The following LDB2 variants were observed in gnomAD, a reference collection of about 807,000 sequenced individuals.
LDB2 encodes LIM domain binding 2.
LDB2 carries 12 observed loss-of-function variants against 44.3 expected under a neutral mutation model. The observed-to-expected ratio is 0.27, with a 90% CI of 0.17 to 0.44. LDB2 has a LOEUF of 0.44. Among genes scored for constraint, LDB2 ranks in the 20% least tolerant of loss-of-function variants. LDB2 has a pLI of 1.00. For synonymous variants in LDB2, 164 were observed against 174.8 expected (o/e 0.94, Z 0.49); for missense variants, 344 against 473.5 (o/e 0.73, Z 2.54).
At chr4:16,659,609 TAC>T (rs199939773) in intron 2 of LDB2, among the ~76,000 whole-genome samples, 1 of 144,718 alleles carries the variant, frequency 6.9e-6, no homozygotes. Context: ...ATATATGAAT[TAC>T]ACACACACAC....
At chr4:16,706,001 G>A (rs772932906) in intron 2 of LDB2, among the ~76,000 whole-genome samples, 23 of 152,002 alleles carry the variant, frequency 1.5e-4, no homozygotes, top group African/African-American at 3.9e-4. Flanking sequence ...CAAATCTTGT[G>A]GATAATAGCC....
At chr4:16,820,931 T>C (rs1781837559) in intron 1 of LDB2, among the ~76,000 whole-genome samples, 1 of 152,220 alleles carries the variant, frequency 6.6e-6, no homozygotes, top group Non-Finnish European at 1.5e-5. Flanking sequence ...GCCTAATTTC[T>C]CTAAATGGCA....
At chr4:16,893,072 A>G (rs966012368) in intron 1 of LDB2, 3 of 971,508 alleles carry the variant, frequency 3.1e-6, no homozygotes, top group East Asian at 1.1e-4. Context: ...GAGTCTTACA[A>G]TTGGTTTTCT....
At chr4:16,507,539 G>GA (rs1719995050) in intron 7 of LDB2, among the ~76,000 whole-genome samples, 1 of 152,084 alleles carries the variant, frequency 6.6e-6, no homozygotes, top group African/African-American at 2.4e-5. Flanking sequence ...GGGTGAGGGG[G>GA]AAAAACGTGG....
At chr4:16,736,284 CA>C (rs1471468290) in intron 2 of LDB2, among the ~76,000 whole-genome samples, 1 of 152,138 alleles carries the variant, frequency 6.6e-6, no homozygotes, top group Non-Finnish European at 1.5e-5. Context: ...AGAGGATTAC[CA>C]AAACAAAGTC....
chr4:16,546,869 C>G (rs1301632104), intron 5 of LDB2, among the ~76,000 whole-genome samples: 1 of 152,170 alleles, frequency 6.6e-6, no homozygotes, highest in African/African-American at 2.4e-5. Context: ...GGTTCTTTAG[C>G]TGTCTCTCCC....
intron 6 of LDB2, among the ~76,000 whole-genome samples, chr4:16,510,072 C>A (rs1461262589): frequency 6.6e-6 from 1 of 152,108 alleles, no homozygotes; most frequent in Non-Finnish European, 1.5e-5. Flanking sequence ...TATGATTGTG[C>A]CACTGCAGTC....
chr4:16,520,954 C>T (rs1409733847), intron 5 of LDB2, among the ~76,000 whole-genome samples: 2 of 152,194 alleles, frequency 1.3e-5, no homozygotes, highest in African/African-American at 2.4e-5. Context: ...GCACCCCCTT[C>T]CACAATGCTT....
intron 5 of LDB2, among the ~76,000 whole-genome samples, chr4:16,532,313 G>A (rs1265294217): frequency 6.6e-6 from 1 of 152,098 alleles, no homozygotes; most frequent in African/African-American, 2.4e-5. Flanking sequence ...TCACAGAACT[G>A]ATGCTATTTT....
chr4:16,703,043 C>G (rs145624756), intron 2 of LDB2, among the ~76,000 whole-genome samples: 2 of 152,234 alleles, frequency 1.3e-5, no homozygotes, highest in East Asian at 3.9e-4. Flanking sequence ...TATACACAAC[C>G]AACCCTCATT....
At chr4:16,596,665 C>T (rs1430250887) in intron 2 of LDB2, among the ~76,000 whole-genome samples, 1 of 152,174 alleles carries the variant, frequency 6.6e-6, no homozygotes, top group Admixed American at 6.5e-5. Context: ...TGTAAGATCT[C>T]TCTCTAGAAT....
chr4:16,675,283 G>A (rs997712839), intron 2 of LDB2, among the ~76,000 whole-genome samples: 20 of 152,212 alleles, frequency 1.3e-4, no homozygotes, highest in East Asian at 1.9e-4. Flanking sequence ...CTGTCCACTC[G>A]TTTGAGTATG....
At chr4:16,788,607 C>T (rs993552769) in intron 1 of LDB2, among the ~76,000 whole-genome samples, 54 of 152,172 alleles carry the variant, frequency 3.5e-4, no homozygotes, top group African/African-American at 1.3e-3. Flanking sequence ...AGCTTCTGCC[C>T]TCTGCAGTGA....
chr4:16,632,814 T>C (rs1010480651), intron 2 of LDB2, among the ~76,000 whole-genome samples: 10 of 152,070 alleles, frequency 6.6e-5, no homozygotes, highest in African/African-American at 2.4e-4. Context: ...TGTGGAGAAA[T>C]AGGAACACTT....
At chr4:16,781,853 C>T (rs983519050) in intron 1 of LDB2, among the ~76,000 whole-genome samples, 6 of 152,112 alleles carry the variant, frequency 3.9e-5, no homozygotes, top group Non-Finnish European at 5.9e-5. Flanking sequence ...GAGAGACCCC[C>T]AAGCCCACCA....
rs150565077 is a variant in LDB2, at chr4:16,629,733, A to G, written c.236-33858T>C. Among the ~76,000 whole-genome samples the G allele has an allele frequency of 5.8e-3, 888 of 152,202 alleles. 9 individuals carry two copies. The highest frequency in any genetic ancestry group is 0.021 in the African/African-American group (863 of 41,510). On this transcript the variant is annotated intron_variant, in intron 2 of 7. Coordinates refer to ENST00000304523, the MANE Select transcript of LDB2 (RefSeq NM_001290.5). ...GCTAACTAGAATAACCAGTGTACAG[A>G]AGAGCTTCAATGACCTGGTGGAGCT...
intron 1 of LDB2, among the ~76,000 whole-genome samples, chr4:16,822,017 C>T (rs1309797593): frequency 6.6e-6 from 1 of 151,960 alleles, no homozygotes; most frequent in Non-Finnish European, 1.5e-5. Flanking sequence ...CCCAGAGAGA[C>T]CTAGACTCAT....
intron 1 of LDB2, among the ~76,000 whole-genome samples, chr4:16,863,798 T>C (rs1405397527): frequency 6.6e-6 from 1 of 151,882 alleles, no homozygotes; most frequent in Admixed American, 6.6e-5. Context: ...GTAGCTGCGA[T>C]TACAGGCACC....
chr4:16,659,584 G>GA (rs202030374), intron 2 of LDB2, among the ~76,000 whole-genome samples: 2,662 of 142,450 alleles, frequency 0.019, 30 homozygotes, highest in South Asian at 0.057. Context: ...ACTCCTAAAG[G>GA]AAAAAAAATC....
Sources: gnomAD v4.1 joint callset for allele counts (sites outside exome capture counted in the v4.1 genomes callset) on GRCh38, gnomAD v4.1.1 for gene constraint, MANE v1.5 for transcripts, NCBI Gene and HGNC (gene_info 2026-07-23, HGNC 2026-07-21) for gene names.